The following FAM169A variants were observed in gnomAD, a reference collection of about 807,000 sequenced individuals.
FAM169A encodes the protein soluble lamin-associated protein of 75 kDa.
A neutral mutation model predicts 75.7 loss-of-function variants in FAM169A; 24 were observed. The ratio of observed to expected loss-of-function variants is 0.32; its 90% CI spans 0.23 to 0.45. The LOEUF (loss-of-function observed/expected upper bound fraction) is 0.45, where lower values mean the gene tolerates loss of function less well. Among genes scored for constraint, FAM169A ranks in the 20% least tolerant of loss-of-function variants. The pLI, the probability that FAM169A is intolerant of heterozygous loss-of-function variation, is 1.00. For missense variants in FAM169A, 673 were observed against 784.0 expected (o/e 0.86, Z 1.69); for synonymous variants, 271 against 271.0 (o/e 1.00, Z 0.00).
intron 11 of FAM169A, among the ~76,000 whole-genome samples, chr5:74,785,773 G>C (rs549004305): frequency 6.6e-6 from 1 of 152,086 alleles, no homozygotes; most frequent in Non-Finnish European, 1.5e-5. Flanking sequence ...ACACACACAC[G>C]TATGTATATA....
intron 11 of FAM169A, among the ~76,000 whole-genome samples, chr5:74,791,287 T>C (rs1470546838): frequency 2.0e-5 from 3 of 152,116 alleles, no homozygotes; most frequent in Non-Finnish European, 2.9e-5. Flanking sequence ...GTTTCTCCCA[T>C]AGCCAGGATT....
intron 1 of FAM169A, among the ~76,000 whole-genome samples, chr5:74,856,847 C>T (rs1293198618): frequency 6.6e-6 from 1 of 150,772 alleles, no homozygotes; most frequent in Non-Finnish European, 1.5e-5. Flanking sequence ...CAGTGGCTCA[C>T]GCCTGTAATC....
At chr5:74,828,252 T>C (rs551419193) in intron 5 of FAM169A, among the ~76,000 whole-genome samples, 5 of 152,306 alleles carry the variant, frequency 3.3e-5, no homozygotes, top group South Asian at 4.1e-4. Context: ...TGAAAACAAA[T>C]AGAAACCACC....
chr5:74,782,944 T>C lies in FAM169A; in HGVS notation c.1451A>G (p.Asp484Gly). 6.2e-7 allele frequency: 1 copy of C among 1,612,008 alleles called. No individual in the cohort carries two copies. Among genetic ancestry groups the C allele is most frequent in the South Asian group, 1.1e-5 (1 of 90,986 alleles). Reference protein sequence around the residue: ...VVESSKPPEVDAPDKTPRIPD... With the variant: ...VVESSKPPEVGAPDKTPRIPD... ...TTGCCCCCTTACCTTATCTGGTGCA[T>C]CTACCTCAGGGGGTTTTGAAGATTC... The change falls in exon 12 of 13, where the codon GAT becomes GGT. Residue 484 changes from aspartate (D) to glycine (G), a missense_variant. By Grantham distance (94) the Asp-to-Gly change is moderately conservative. Transcript: ENST00000687041.
chr5:74,839,496 C>G (rs1290951127), intron 3 of FAM169A, among the ~76,000 whole-genome samples: 1 of 151,922 alleles, frequency 6.6e-6, no homozygotes, highest in Admixed American at 6.6e-5. Context: ...CCTCCCCAGC[C>G]ATGCGGAACT....
intron 1 of FAM169A, among the ~76,000 whole-genome samples, chr5:74,856,474 G>T (rs545542061): frequency 6.6e-6 from 1 of 152,024 alleles, no homozygotes; most frequent in African/African-American, 2.4e-5. Context: ...ATGTTTTATA[G>T]TTTTCATTGC....
intron 1 of FAM169A, among the ~76,000 whole-genome samples, chr5:74,846,132 A>G (rs1670921467): frequency 6.6e-6 from 1 of 152,248 alleles, no homozygotes. Flanking sequence ...CATACATACA[A>G]GTAAAGCACT....
chr5:74,818,616 A>AT (rs901038679), intron 5 of FAM169A, among the ~76,000 whole-genome samples: 3 of 112,928 alleles, frequency 2.7e-5, no homozygotes. Flanking sequence ...GTATGTCCTT[A>AT]TTTATATAAA....
chr5:74,816,206 G>A (rs1747460054), intron 5 of FAM169A, among the ~76,000 whole-genome samples: 1 of 152,186 alleles, frequency 6.6e-6, no homozygotes, highest in Non-Finnish European at 1.5e-5. Context: ...ATTATAAGTA[G>A]TGGTAGTCAA....
intron 6 of FAM169A, among the ~76,000 whole-genome samples, chr5:74,806,109 TAGTA>T (rs1746869980): frequency 6.6e-6 from 1 of 151,790 alleles, no homozygotes; most frequent in African/African-American, 2.4e-5. Flanking sequence ...TTAAAAACCA[TAGTA>T]ATTGAAACAA....
At position 74,779,088 on chromosome 5, in the gene FAM169A, A is replaced by G. The variant is rs530160933; in HGVS notation, c.*2372T>C. 133 of 152,260 alleles carry G rather than the reference A, an allele frequency of 8.7e-4. No individual in the cohort carries two copies. The highest frequency in any genetic ancestry group is 2.7e-3 in the African/African-American group (113 of 41,586). 9.4% of individuals were successfully genotyped at this position (152,260 alleles called of 1,614,324 possible). On this transcript the variant is annotated 3_prime_UTR_variant, in exon 13 of 13. Transcript: ENST00000687041. ...TTCTGTCAGAGAGAATCTGTAACAG[A>G]AGTGTTCTTGTGTGCTGAACAAAAA...
At chr5:74,833,883 G>A (rs1193159540) in intron 5 of FAM169A, among the ~76,000 whole-genome samples, 2 of 152,172 alleles carry the variant, frequency 1.3e-5, no homozygotes, top group Non-Finnish European at 2.9e-5. Context: ...ATAGGGTATA[G>A]CTGGCTCTTA....
At chr5:74,802,236 T>C (rs1348731484) in intron 8 of FAM169A, among the ~76,000 whole-genome samples, 1 of 152,152 alleles carries the variant, frequency 6.6e-6, no homozygotes, top group Non-Finnish European at 1.5e-5. Flanking sequence ...TGTACTACCA[T>C]TGCTTTAGTT....
chr5:74,841,803 T>G, intron 1 of FAM169A, 124 bp from the exon 2 acceptor site: 1 of 815,192 alleles, frequency 1.2e-6, no homozygotes. Flanking sequence ...CTGTTTCACT[T>G]TGCCCGCAGA....
intron 1 of FAM169A, among the ~76,000 whole-genome samples, chr5:74,852,973 A>T (rs1471013911): frequency 6.6e-6 from 1 of 152,236 alleles, no homozygotes; most frequent in Non-Finnish European, 1.5e-5. Flanking sequence ...TACTTATCAC[A>T]TAACAATACA....
chr5:74,828,862 G>A (rs891288087), intron 5 of FAM169A, among the ~76,000 whole-genome samples: 3 of 152,106 alleles, frequency 2.0e-5, no homozygotes, highest in African/African-American at 2.4e-5. Context: ...GCTGAGGCAC[G>A]TGTTCAACCC....
chr5:74,800,404 C>T (rs1041756168), intron 10 of FAM169A, among the ~76,000 whole-genome samples: 6 of 151,638 alleles, frequency 4.0e-5, no homozygotes, highest in Admixed American at 6.6e-5. Flanking sequence ...GAATTGAATG[C>T]GGGGGGAAAA....
rs185324739 is a variant in FAM169A, at chr5:74,861,532, T to C, written c.-4+4633A>G. ...TGAAGTCAGGAGTTCAAGACCAGCC[T>C]GGTAAAACCCCATTTCTACTAAAAA... is the stretch of plus-strand genomic sequence containing the variant. On this transcript the variant is annotated intron_variant, in intron 1 of 12. Coordinates refer to ENST00000687041, the MANE Select transcript of FAM169A (RefSeq NM_001376049.1). Among the ~76,000 whole-genome samples, 337 of 152,268 alleles carry C rather than the reference T, an allele frequency of 2.2e-3. 4 individuals are homozygous for C. Among genetic ancestry groups the C allele is most frequent in the African/African-American group, 7.6e-3 (317 of 41,542 alleles).
chr5:74,799,663 C>A (rs1746459444), intron 10 of FAM169A: 2 of 1,322,958 alleles, frequency 1.5e-6, no homozygotes, highest in Non-Finnish European at 2.2e-6. Context: ...CTGGGCCAGC[C>A]ACGACAGCAC....
Sources: gnomAD v4.1 joint callset for allele counts (sites outside exome capture counted in the v4.1 genomes callset) on GRCh38, gnomAD v4.1.1 for gene constraint, MANE v1.5 for transcripts, NCBI Gene and HGNC (gene_info 2026-07-23, HGNC 2026-07-21) for gene names.